The following WDR41 variants were observed in gnomAD, a reference collection of about 807,000 sequenced individuals.
WDR41 encodes the protein WD repeat-containing protein 41.
Under a neutral mutation model 69.3 loss-of-function variants are expected in WDR41, and 63 were observed. The observed-to-expected ratio is 0.91, with a 90% CI of 0.74 to 1.12. WDR41 has a LOEUF of 1.12. WDR41 is among the 50% of genes most tolerant of loss of function. The probability of loss-of-function intolerance (pLI) is 0.00; values close to 1 mark genes in which losing one functional copy is unlikely to be tolerated. For missense variants in WDR41, 543 were observed against 534.5 expected (o/e 1.02, Z -0.16); for synonymous variants, 185 against 192.1 (o/e 0.96, Z 0.31).
chr5:77,474,974 C>T (rs576999966), intron 2 of WDR41, among the ~76,000 whole-genome samples: 1 of 152,264 alleles, frequency 6.6e-6, no homozygotes, highest in South Asian at 2.1e-4. Context: ...GTGCGCGAGC[C>T]GAAGCAGGGC....
intron 1 of WDR41, among the ~76,000 whole-genome samples, chr5:77,565,594 AC>A (rs1743610426): frequency 6.6e-6 from 1 of 152,078 alleles, no homozygotes; most frequent in African/African-American, 2.4e-5. Context: ...TGATAGATTG[AC>A]TATAAGGGAT....
At chr5:77,526,897 CT>C (rs1299694305) in intron 1 of WDR41, among the ~76,000 whole-genome samples, 2 of 152,040 alleles carry the variant, frequency 1.3e-5, no homozygotes, top group Non-Finnish European at 2.9e-5. Flanking sequence ...GATATGGCTC[CT>C]TTCTTAGCCA....
At chr5:77,496,594 A>G (rs1801938474), upstream of WDR41, among the ~76,000 whole-genome samples, 2 of 152,090 alleles carry the variant, frequency 1.3e-5, no homozygotes, top group African/African-American at 4.8e-5. Flanking sequence ...ACAACAAAAC[A>G]TTGCTGAAAG....
chr5:77,588,988 C>G (rs1454193293), intron 1 of WDR41, among the ~76,000 whole-genome samples: 1 of 152,064 alleles, frequency 6.6e-6, no homozygotes, highest in East Asian at 1.9e-4. Context: ...AAATCATCAA[C>G]AAGAAGCACA....
intron 5 of WDR41, among the ~76,000 whole-genome samples, chr5:77,455,006 T>A (rs940004090): frequency 1.3e-5 from 2 of 152,202 alleles, no homozygotes; most frequent in African/African-American, 4.8e-5. Flanking sequence ...CATTTTCATA[T>A]CTCTTGGGGA....
intron 1 of WDR41, among the ~76,000 whole-genome samples, chr5:77,574,589 C>T (rs1743795196): frequency 1.3e-5 from 2 of 152,072 alleles, no homozygotes; most frequent in Non-Finnish European, 2.9e-5. Flanking sequence ...AAGGCTAATG[C>T]TTTGACTTGA....
rs779875243 is a variant in WDR41, at chr5:77,453,897, C to T, written c.443G>A (p.Trp148Ter). 2 of 1,614,066 alleles carry T rather than the reference C, an allele frequency of 1.2e-6. No homozygotes were observed. The highest frequency in any genetic ancestry group is 1.7e-5 in the Admixed American group (1 of 59,996). Residue 148 changes from tryptophan (W) to a stop codon, truncating the protein, a stop_gained, in exon 6 of 13, where the codon TGG becomes TAG. Coordinates refer to ENST00000296679, the MANE Select transcript of WDR41 (RefSeq NM_018268.4). LOFTEE classifies it high-confidence loss of function. The part of the protein sequence containing the change: ...CLTVLQRLDV[W>*]LSGGNDLCVW... ...ACACAGGTCATTCCCACCAGAAAGC[C>T]AAACATCTAGTCTCTGAAGAACAGT...
chr5:77,558,094 T>TAAAA (rs71608105), intron 1 of WDR41, among the ~76,000 whole-genome samples: 2,126 of 103,756 alleles, frequency 0.02, 122 homozygotes, highest in African/African-American at 0.062. Context: ...ATGTTCTTTT[T>TAAAA]AAAAAAAAAA....
intron 1 of WDR41, among the ~76,000 whole-genome samples, chr5:77,547,588 T>A (rs952420974): frequency 1.3e-5 from 2 of 149,066 alleles, no homozygotes; most frequent in Non-Finnish European, 3.0e-5. Flanking sequence ...AGGTGAAAGA[T>A]CTCTACAAGG....
intron 1 of WDR41, among the ~76,000 whole-genome samples, chr5:77,507,607 T>C (rs760334735): frequency 6.6e-6 from 1 of 152,168 alleles, no homozygotes; most frequent in Non-Finnish European, 1.5e-5. Flanking sequence ...GTATAACAGA[T>C]TTTTTTGTCA....
At chr5:77,433,983 C>T (rs1008655205) in intron 12 of WDR41, among the ~76,000 whole-genome samples, 6 of 152,102 alleles carry the variant, frequency 3.9e-5, no homozygotes, top group Admixed American at 1.3e-4. Flanking sequence ...AGAGTTGTAT[C>T]AGAAAAGTGA....
Position 77,438,308 on chromosome 5 carries a change from C to G in WDR41, c.936G>C (p.Lys312Asn), listed in dbSNP as rs372386547. 3 of 1,613,950 alleles carry G rather than the reference C, an allele frequency of 1.9e-6. No individual in the cohort carries two copies. Among genetic ancestry groups the G allele is most frequent in the Non-Finnish European group, 8.5e-7 (1 of 1,179,936 alleles). The change falls in exon 10 of 13, where the codon AAG becomes AAC. Residue 312 changes from lysine to asparagine, a missense_variant. Physicochemically the swap from Lys to Asn is moderately conservative, Grantham distance 94. Transcript: ENST00000296679. Reference protein sequence around the residue: ...RGLYVYSLQMKRVIACQKTAH... With the variant: ...RGLYVYSLQMNRVIACQKTAH... ...CAGTTTTCTGGCAGGCAATCACACG[C>G]TTCATTTGAAGGCTATACACGTATA...
intron 8 of WDR41, among the ~76,000 whole-genome samples, chr5:77,445,947 T>G (rs1310799374): frequency 6.6e-6 from 1 of 152,060 alleles, no homozygotes; most frequent in African/African-American, 2.4e-5. Flanking sequence ...GAGAAAGAAA[T>G]AAAGGGTATT....
At chr5:77,497,850 C>T (rs1801957581) in intron 1 of WDR41, among the ~76,000 whole-genome samples, 3 of 152,112 alleles carry the variant, frequency 2.0e-5, no homozygotes, top group Non-Finnish European at 4.4e-5. Context: ...CCCAAGTGTC[C>T]ATCCACAGAT....
chr5:77,609,524 G>T (rs1420891203), intron 1 of WDR41, among the ~76,000 whole-genome samples: 1 of 152,222 alleles, frequency 6.6e-6, no homozygotes, highest in African/African-American at 2.4e-5. Context: ...TGCAGCCACT[G>T]CTGCTGATAC....
At chr5:77,445,755 G>C (rs1799355867) in intron 8 of WDR41, among the ~76,000 whole-genome samples, 1 of 152,036 alleles carries the variant, frequency 6.6e-6, no homozygotes, top group Non-Finnish European at 1.5e-5. Flanking sequence ...CAATAAACTA[G>C]GTATTGATAG....
At chr5:77,511,086 T>A (rs111935117) in intron 1 of WDR41, among the ~76,000 whole-genome samples, 9 of 152,292 alleles carry the variant, frequency 5.9e-5, no homozygotes, top group East Asian at 5.8e-4. Context: ...TAGAATTTTT[T>A]AAAAAACTAT....
chr5:77,572,467 C>T (rs1349105131), intron 1 of WDR41, among the ~76,000 whole-genome samples: 1 of 152,116 alleles, frequency 6.6e-6, no homozygotes, highest in East Asian at 1.9e-4. Context: ...ACTTCAAGGG[C>T]CTTTTATTTT....
chr5:77,456,461 G>T (rs1263745819), intron 5 of WDR41, among the ~76,000 whole-genome samples: 3 of 152,158 alleles, frequency 2.0e-5, no homozygotes, highest in African/African-American at 7.2e-5. Context: ...CCATTTACTA[G>T]CCTCAATAGT....
Sources: allele counts gnomAD v4.1 joint callset (sites outside exome capture counted in the v4.1 genomes callset), GRCh38; gene constraint gnomAD v4.1.1; transcripts MANE v1.5; gene names NCBI Gene and HGNC (gene_info 2026-07-23, HGNC 2026-07-21).